The following MACROD2 variants were observed in gnomAD, a reference collection of about 807,000 sequenced individuals.
MACROD2 encodes the protein ADP-ribose glycohydrolase MACROD2.
In MACROD2, 36 loss-of-function variants were observed where a neutral mutation model predicts 70.4. The observed-to-expected ratio is 0.51, with a 90% CI of 0.39 to 0.68. The LOEUF is 0.68. Ranked by LOEUF, MACROD2 falls within the 30% of genes least tolerant of loss-of-function variation. The probability of loss-of-function intolerance (pLI) is 0.00; values close to 1 mark genes in which losing one functional copy is unlikely to be tolerated. For missense variants in MACROD2, 496 were observed against 538.4 expected (o/e 0.92, Z 0.78); for synonymous variants, 172 against 178.8 (o/e 0.96, Z 0.30).
At chr20:15,520,432 T>C (rs555759465) in intron 8 of MACROD2, among the ~76,000 whole-genome samples, 84 of 152,340 alleles carry the variant, frequency 5.5e-4, no homozygotes, top group African/African-American at 1.9e-3. Flanking sequence ...CAGTGATAAC[T>C]GCAAGAGCAG....
At chr20:15,991,237 T>C (rs2066554491) in intron 15 of MACROD2, among the ~76,000 whole-genome samples, 1 of 152,186 alleles carries the variant, frequency 6.6e-6, no homozygotes, top group Non-Finnish European at 1.5e-5. Context: ...GGGAAACATC[T>C]TTTTTTGCAA....
chr20:14,653,363 C>A (rs1985790225), intron 4 of MACROD2, among the ~76,000 whole-genome samples: 1 of 151,928 alleles, frequency 6.6e-6, no homozygotes, highest in Non-Finnish European at 1.5e-5. Flanking sequence ...GGACTACAGG[C>A]GCCCGCCACC....
At chr20:14,137,081 A>G (rs973934475) in intron 3 of MACROD2, among the ~76,000 whole-genome samples, 2 of 152,194 alleles carry the variant, frequency 1.3e-5, no homozygotes, top group Non-Finnish European at 2.9e-5. Context: ...GGGGATATAC[A>G]GTCGACTCTT....
intron 5 of MACROD2, among the ~76,000 whole-genome samples, chr20:15,200,780 A>T (rs1369426018): frequency 6.6e-6 from 1 of 152,224 alleles, no homozygotes; most frequent in African/African-American, 2.4e-5. Context: ...TTTAATGTTT[A>T]TACAGATCCT....
At chr20:15,582,954 A>G (rs146047272) in intron 8 of MACROD2, among the ~76,000 whole-genome samples, 26 of 152,228 alleles carry the variant, frequency 1.7e-4, no homozygotes, top group Non-Finnish European at 3.2e-4. Flanking sequence ...CTCGGCTCTC[A>G]CCTGACTTCC....
intron 4 of MACROD2, among the ~76,000 whole-genome samples, chr20:14,671,454 C>G (rs1369996781): frequency 6.6e-6 from 1 of 151,960 alleles, no homozygotes; most frequent in Non-Finnish European, 1.5e-5. Context: ...TTTGCTATTT[C>G]AAGTTCAGAA....
At chr20:15,008,810 G>A (rs1423793069) in intron 5 of MACROD2, among the ~76,000 whole-genome samples, 1 of 152,108 alleles carries the variant, frequency 6.6e-6, no homozygotes, top group African/African-American at 2.4e-5. Flanking sequence ...CCTTATTAAA[G>A]AAGTACCTAT....
chr20:15,076,521 G>C (rs1476388541), intron 5 of MACROD2, among the ~76,000 whole-genome samples: 1 of 152,024 alleles, frequency 6.6e-6, no homozygotes, highest in Non-Finnish European at 1.5e-5. Flanking sequence ...AAGTATTACT[G>C]TTATTATCAT....
intron 5 of MACROD2, among the ~76,000 whole-genome samples, chr20:14,847,418 G>A (rs2073154285): frequency 6.6e-6 from 1 of 151,476 alleles, no homozygotes; most frequent in Non-Finnish European, 1.5e-5. Context: ...AAATTAACAA[G>A]GAATTGAAGT....
At chr20:14,086,281 T>A in intron 3 of MACROD2, 1 of 286,392 alleles carries the variant, frequency 3.5e-6, no homozygotes, top group Non-Finnish European at 7.2e-6. Flanking sequence ...TTAATTTTCC[T>A]ATTTCAACAT....
At chr20:14,262,303 A>G (rs969075559) in intron 3 of MACROD2, among the ~76,000 whole-genome samples, 1 of 152,208 alleles carries the variant, frequency 6.6e-6, no homozygotes, top group Non-Finnish European at 1.5e-5. Context: ...CTAATTGGGA[A>G]GGTGAGAGAA....
intron 7 of MACROD2, among the ~76,000 whole-genome samples, chr20:15,487,302 G>A (rs2047175005): frequency 1.3e-5 from 2 of 152,188 alleles, no homozygotes; most frequent in Admixed American, 1.3e-4. Context: ...TGGTGTTACT[G>A]CTCATGTCAG....
intron 8 of MACROD2, among the ~76,000 whole-genome samples, chr20:15,844,233 C>T (rs1192360733): frequency 1.3e-5 from 2 of 152,018 alleles, no homozygotes; most frequent in Non-Finnish European, 2.9e-5. Context: ...CTAGGAGGAG[C>T]AGGTCTGCCA....
chr20:13,995,884 C>A lies in MACROD2; in HGVS notation c.46+75C>A. 1.3e-6 allele frequency: 2 copies of A among 1,501,746 alleles called. No homozygotes were observed. Among genetic ancestry groups the A allele is most frequent in the Non-Finnish European group, 9.0e-7 (1 of 1,105,876 alleles). The allele number at this position is 1,501,746 out of a possible 1,614,324, so 93.0% of individuals were successfully genotyped here. On this transcript the variant is annotated intron_variant, in intron 1 of 17. Transcript: ENST00000684519. This position sits in a 1 kb window ranked among gnomAD's most constrained non-coding sequence, Gnocchi z 4.3. ...GGGGCGGGGGTCAGGCTGTGTGTGCCGCGGCGCCCTCCGCCCGAGCTCCCG... is the reference window on the plus strand; with the variant it reads ...GGGGCGGGGGTCAGGCTGTGTGTGCAGCGGCGCCCTCCGCCCGAGCTCCCG...
chr20:15,301,591 C>CTTTTTTTTTTTTTTTTTTGTTTT (rs2077643434), intron 6 of MACROD2, among the ~76,000 whole-genome samples: 1 of 81,250 alleles, frequency 1.2e-5, no homozygotes, highest in Non-Finnish European at 2.4e-5. Flanking sequence ...GGTAGGTGGC[C>CTTTTTTTTTTTTTTTTTTGTTTT]TTTTTTTTTT....
intron 5 of MACROD2, among the ~76,000 whole-genome samples, chr20:14,712,424 G>A (rs190799907): frequency 5.3e-5 from 8 of 152,106 alleles, no homozygotes; most frequent in African/African-American, 1.4e-4. Context: ...AATAGATACC[G>A]CGGGTTGGAA....
chr20:15,271,392 G>A (rs1450210990), intron 6 of MACROD2, among the ~76,000 whole-genome samples: 1 of 152,082 alleles, frequency 6.6e-6, no homozygotes, highest in Non-Finnish European at 1.5e-5. Flanking sequence ...CATCAACTTG[G>A]CGATTAAGTT....
At chr20:15,756,589 G>A (rs1025142449) in intron 8 of MACROD2, among the ~76,000 whole-genome samples, 1 of 152,108 alleles carries the variant, frequency 6.6e-6, no homozygotes, top group South Asian at 2.1e-4. Flanking sequence ...TGAGGATGCC[G>A]TCATAAAATG....
chr20:14,805,287 G>C (rs1366180361), intron 5 of MACROD2, among the ~76,000 whole-genome samples: 2 of 152,034 alleles, frequency 1.3e-5, no homozygotes, highest in Admixed American at 6.6e-5. Flanking sequence ...GCCATGGATT[G>C]AACATTAGAA....
Sources: gnomAD v4.1 joint callset for allele counts (sites outside exome capture counted in the v4.1 genomes callset) on GRCh38, gnomAD v4.1.1 for gene constraint, Gnocchi (gnomAD v3.1) non-coding constraint, MANE v1.5 for transcripts, NCBI Gene and HGNC (gene_info 2026-07-23, HGNC 2026-07-21) for gene names.